The following EXOC6B variants were observed in gnomAD, a reference collection of about 807,000 sequenced individuals.
EXOC6B encodes SEC15 homolog B.
EXOC6B carries 54 observed loss-of-function variants against 113.5 expected under a neutral mutation model. That is an observed-to-expected ratio of 0.48 (90% CI 0.38 to 0.60). The LOEUF (loss-of-function observed/expected upper bound fraction) is 0.60, where lower values mean the gene tolerates loss of function less well. EXOC6B is among the 20% of genes least tolerant of loss of function. EXOC6B has a pLI of 0.00. For missense variants in EXOC6B, 797 were observed against 977.5 expected (o/e 0.82, Z 2.46); for synonymous variants, 357 against 339.0 (o/e 1.05, Z -0.58).
chr2:72,622,508 G>C (rs746355189), intron 6 of EXOC6B, among the ~76,000 whole-genome samples: 24 of 152,196 alleles, frequency 1.6e-4, no homozygotes, highest in Non-Finnish European at 2.6e-4. Context: ...GGGCTCAGGA[G>C]TTTGAGACCA....
intron 7 of EXOC6B, among the ~76,000 whole-genome samples, chr2:72,568,612 A>G (rs1303617991): frequency 3.9e-5 from 6 of 151,972 alleles, no homozygotes; most frequent in Non-Finnish European, 5.9e-5. Flanking sequence ...TCAAGTTTTA[A>G]TAAGTGGACT....
chr2:72,370,188 A>G (rs949814021), intron 19 of EXOC6B, among the ~76,000 whole-genome samples: 1 of 152,220 alleles, frequency 6.6e-6, no homozygotes, highest in African/African-American at 2.4e-5. Context: ...AACCCCTTCA[A>G]AAAGTGGGCG....
At chr2:72,784,238 T>C (rs1233740787) in intron 1 of EXOC6B, among the ~76,000 whole-genome samples, 1 of 152,230 alleles carries the variant, frequency 6.6e-6, no homozygotes, top group Non-Finnish European at 1.5e-5. Flanking sequence ...CTGTTCTGGT[T>C]ACTATTGCCT....
chr2:72,601,887 C>T (rs1670456376), intron 6 of EXOC6B, among the ~76,000 whole-genome samples: 1 of 152,120 alleles, frequency 6.6e-6, no homozygotes, highest in South Asian at 2.1e-4. Context: ...ACTAAAAATG[C>T]ATACTGCTAA....
At chr2:72,515,168 A>T (rs576080379) in intron 8 of EXOC6B, 42 bp from the exon 9 acceptor site, 2 of 1,516,226 alleles carry the variant, frequency 1.3e-6, no homozygotes, top group African/African-American at 2.8e-5. Context: ...CAATTGGACC[A>T]ATTACTCTTT....
intron 20 of EXOC6B, among the ~76,000 whole-genome samples, chr2:72,262,357 A>G (rs1323961180): frequency 6.6e-6 from 1 of 152,048 alleles, no homozygotes; most frequent in African/African-American, 2.4e-5. Context: ...AAGAGGCCCA[A>G]TACTATAGCC....
intron 16 of EXOC6B, among the ~76,000 whole-genome samples, chr2:72,489,497 A>G (rs1699621163): frequency 6.6e-6 from 1 of 152,230 alleles, no homozygotes; most frequent in Non-Finnish European, 1.5e-5. Context: ...TAATAATAAC[A>G]GGTAATATGC....
chr2:72,361,785 C>A (rs1278508799), intron 19 of EXOC6B, among the ~76,000 whole-genome samples: 1 of 152,124 alleles, frequency 6.6e-6, no homozygotes, highest in African/African-American at 2.4e-5. Context: ...ATATCACAAA[C>A]CTGTAGCCAT....
In EXOC6B at chr2:72,559,482, A is replaced by C. The variant is rs864309603; in HGVS notation, c.886T>G (p.Tyr296Asp). 1 of 1,613,088 alleles carries C rather than the reference A, an allele frequency of 6.2e-7. No individual in the cohort carries two copies. Among genetic ancestry groups the C allele is most frequent in the Non-Finnish European group, 8.5e-7 (1 of 1,179,556 alleles). The change falls in exon 8 of 22, where the codon TAT becomes GAT. Residue 296 changes from tyrosine to aspartate, a missense_variant. By Grantham distance (160) the Tyr-to-Asp change is radical. Coordinates refer to ENST00000272427, the MANE Select transcript of EXOC6B (RefSeq NM_015189.3). ...AQDLVDFSPVYRCLHIYSVLG... is the reference protein window; with the variant it reads ...AQDLVDFSPVDRCLHIYSVLG... ...ACAGAATATATATGTAGACATCGAT[A>C]AACTGGAGAGAAATCCACCAAATCT...
chr2:72,452,270 A>G (rs188891633), intron 18 of EXOC6B, among the ~76,000 whole-genome samples: 1 of 152,232 alleles, frequency 6.6e-6, no homozygotes. Context: ...TATTCCATGC[A>G]TGATGTCCCT....
intron 17 of EXOC6B, among the ~76,000 whole-genome samples, chr2:72,480,217 T>A (rs998687405): frequency 4.6e-5 from 7 of 151,044 alleles, no homozygotes; most frequent in Non-Finnish European, 8.9e-5. Context: ...AAAAAAAAAA[T>A]TGGTCACAGG....
At chr2:72,673,177 T>C (rs1010469296) in intron 6 of EXOC6B, among the ~76,000 whole-genome samples, 1 of 152,208 alleles carries the variant, frequency 6.6e-6, no homozygotes, top group African/African-American at 2.4e-5. Context: ...GACAAGTCTT[T>C]ACATTGACTC....
At chr2:72,636,485 GAGA>G (rs981362003) in intron 6 of EXOC6B, among the ~76,000 whole-genome samples, 3 of 146,168 alleles carry the variant, frequency 2.1e-5, no homozygotes, top group Non-Finnish European at 4.4e-5. Context: ...GATGAAGGAG[GAGA>G]AGGAGGAGGA....
chr2:72,619,110 G>A (rs1197160328), intron 6 of EXOC6B, among the ~76,000 whole-genome samples: 1 of 152,008 alleles, frequency 6.6e-6, no homozygotes, highest in Non-Finnish European at 1.5e-5. Flanking sequence ...ACGAGACCTG[G>A]AAATGTTACA....
At chr2:72,698,808 G>C (rs1337752289) in intron 6 of EXOC6B, among the ~76,000 whole-genome samples, 6 of 152,182 alleles carry the variant, frequency 3.9e-5, no homozygotes, top group African/African-American at 1.4e-4. Context: ...ATATGTTAGT[G>C]AGGTTAGCAC....
intron 20 of EXOC6B, among the ~76,000 whole-genome samples, chr2:72,292,382 G>T (rs575560361): frequency 1.3e-5 from 2 of 152,192 alleles, no homozygotes; most frequent in African/African-American, 2.4e-5. Context: ...AAGTAGTACA[G>T]AGTGTCTGTA....
intron 18 of EXOC6B, among the ~76,000 whole-genome samples, chr2:72,385,306 G>T (rs544092608): frequency 2.6e-5 from 4 of 151,750 alleles, no homozygotes; most frequent in African/African-American, 9.7e-5. Context: ...ACATCCACAC[G>T]CATAAGAATG....
At chr2:72,253,040 A>C (rs1212576858) in intron 20 of EXOC6B, among the ~76,000 whole-genome samples, 2 of 152,224 alleles carry the variant, frequency 1.3e-5, no homozygotes, top group African/African-American at 4.8e-5. Context: ...AAGTTGGCAA[A>C]GGACATGAAC....
intron 16 of EXOC6B, among the ~76,000 whole-genome samples, chr2:72,484,375 G>A (rs1287482451): frequency 2.0e-5 from 3 of 150,280 alleles, no homozygotes; most frequent in Admixed American, 1.3e-4. Flanking sequence ...TGGCTAACAC[G>A]GTGAAACCCC....
Sources: allele counts gnomAD v4.1 joint callset (sites outside exome capture counted in the v4.1 genomes callset), GRCh38; gene constraint gnomAD v4.1.1; transcripts MANE v1.5; gene names NCBI Gene and HGNC (gene_info 2026-07-23, HGNC 2026-07-21).